The following RARB variants were observed in gnomAD, a reference collection of about 807,000 sequenced individuals.
The protein encoded by RARB is retinoic acid receptor beta, also known as HBV-activated protein.
In RARB, 17 loss-of-function variants were observed where a neutral mutation model predicts 51.9. The ratio of observed to expected loss-of-function variants is 0.33; its 90% CI spans 0.22 to 0.49. The LOEUF (loss-of-function observed/expected upper bound fraction) is 0.49, where lower values mean the gene tolerates loss of function less well. Ranked by LOEUF, RARB falls within the 20% of genes least tolerant of loss-of-function variation. RARB has a pLI of 0.99. For synonymous variants in RARB, 215 were observed against 195.4 expected (o/e 1.10, Z -0.84); for missense variants, 369 against 550.8 (o/e 0.67, Z 3.30).
chr3:25,114,182 G>A (rs1028048152), intron 3 of RARB, among the ~76,000 whole-genome samples: 1 of 152,086 alleles, frequency 6.6e-6, no homozygotes, highest in African/African-American at 2.4e-5. Flanking sequence ...AGCCTTTTCT[G>A]TTCCACCCAC....
chr3:24,902,862 C>T (rs1703637370), intron 2 of RARB, among the ~76,000 whole-genome samples: 2 of 152,100 alleles, frequency 1.3e-5, no homozygotes, highest in Admixed American at 1.3e-4. Flanking sequence ...ATTACTAAAA[C>T]TTCAGTTTAA....
At chr3:25,169,927 G>T (rs1368758923) in intron 4 of RARB, among the ~76,000 whole-genome samples, 2 of 151,084 alleles carry the variant, frequency 1.3e-5, no homozygotes, top group Admixed American at 6.6e-5. Context: ...GTTTGAGGCT[G>T]CAGGGAACTG....
rs1553615778 is a variant in RARB, at chr3:24,938,990, G to GTTGT, written c.-380+80240_-380+80241insGTTT. 5.4e-3 allele frequency among the ~76,000 whole-genome samples: 779 copies of GTTGT among 143,454 alleles called. 2 individuals are homozygous for GTTGT. Among genetic ancestry groups the GTTGT allele is most frequent in the Non-Finnish European group, 8.5e-3 (559 of 65,684 alleles). 94.1% of individuals were successfully genotyped at this position (143,454 alleles called of 152,430 possible). A position where few individuals can be genotyped will look rare whatever the true frequency, so the allele number is the denominator to read the frequency against. On this transcript the variant is annotated intron_variant, in intron 2 of 11. Transcript: ENST00000383772. ...AATGAACATTTAGTTTTTTGTTGTT[G>GTTGT]TTTTTTTTTTTAGACAGAGTCTCAC...
intron 3 of RARB, among the ~76,000 whole-genome samples, chr3:25,097,129 T>A (rs1332452711): frequency 6.6e-6 from 1 of 152,134 alleles, no homozygotes; most frequent in Non-Finnish European, 1.5e-5. Flanking sequence ...TCAGAGACAG[T>A]AACAATTCTA....
intron 5 of RARB, among the ~76,000 whole-genome samples, chr3:25,419,195 G>A (rs746433878): frequency 2.0e-5 from 3 of 152,106 alleles, no homozygotes; most frequent in Non-Finnish European, 2.9e-5. Flanking sequence ...CCGAGACAAC[G>A]ATGTTCCTTT....
chr3:25,261,230 C>T (rs1418552213), intron 5 of RARB, among the ~76,000 whole-genome samples: 2 of 152,026 alleles, frequency 1.3e-5, no homozygotes, highest in African/African-American at 2.4e-5. Context: ...TCATGATCAC[C>T]ACCATAATTG....
intron 3 of RARB, among the ~76,000 whole-genome samples, chr3:25,513,202 G>C (rs1014694233): frequency 6.6e-6 from 1 of 151,522 alleles, no homozygotes; most frequent in East Asian, 2.0e-4. Flanking sequence ...CAGGAGAATC[G>C]CTTGGACCTG....
chr3:25,343,571 T>C (rs1208036292), intron 5 of RARB, among the ~76,000 whole-genome samples: 1 of 152,164 alleles, frequency 6.6e-6, no homozygotes, highest in Non-Finnish European at 1.5e-5. Flanking sequence ...AAGGAAATTT[T>C]CCCAAATTTA....
intron 5 of RARB, among the ~76,000 whole-genome samples, chr3:25,315,473 G>C (rs1704398401): frequency 6.6e-6 from 1 of 152,168 alleles, no homozygotes; most frequent in Admixed American, 6.5e-5. Flanking sequence ...AGAAGCTTGA[G>C]ACTTCCTAAC....
At chr3:24,930,029 A>G (rs887803156) in intron 2 of RARB, among the ~76,000 whole-genome samples, 5 of 152,208 alleles carry the variant, frequency 3.3e-5, no homozygotes, top group South Asian at 4.1e-4. Context: ...TTAAAGGGCT[A>G]TTGACAATAT....
chr3:25,077,574 A>G (rs1334175169), intron 3 of RARB, among the ~76,000 whole-genome samples: 1 of 151,914 alleles, frequency 6.6e-6, no homozygotes, highest in African/African-American at 2.4e-5. Context: ...CTATTTATCT[A>G]TTTTTCTTTG....
intron 2 of RARB, among the ~76,000 whole-genome samples, chr3:24,955,391 A>T (rs1695991362): frequency 6.6e-6 from 1 of 152,160 alleles, no homozygotes; most frequent in Non-Finnish European, 1.5e-5. Context: ...AGGCCAAAAA[A>T]GGCAACATTT....
chr3:25,242,220 G>C (rs941801560), intron 5 of RARB, among the ~76,000 whole-genome samples: 1 of 152,020 alleles, frequency 6.6e-6, no homozygotes, highest in Admixed American at 6.6e-5. Flanking sequence ...TTGTCAGATG[G>C]ATAGATAGCA....
chr3:25,093,651 A>T (rs1248862906), intron 3 of RARB, among the ~76,000 whole-genome samples: 1 of 152,142 alleles, frequency 6.6e-6, no homozygotes, highest in Non-Finnish European at 1.5e-5. Flanking sequence ...ACTCCTGCAG[A>T]TAATATCCTT....
chr3:25,242,535 T>C lies in RARB; in HGVS notation c.178+67960T>C, dbSNP rs182837402. 2.2e-4 allele frequency among the ~76,000 whole-genome samples: 33 copies of C among 152,330 alleles called. No individual in the cohort carries two copies. The East Asian group carries it at 6.2e-3, about 28-fold the overall frequency. On this transcript the variant is annotated intron_variant, in intron 5 of 11. Transcript: ENST00000383772. ...AGTTTTCTGCATATGACTAGCCAGTTTTCCCCATACCATTTATTAAATAGG... is the reference window on the plus strand; with the variant it reads ...AGTTTTCTGCATATGACTAGCCAGTCTTCCCCATACCATTTATTAAATAGG...
At chr3:24,958,264 T>TTTTG (rs1559411522) in intron 2 of RARB, among the ~76,000 whole-genome samples, 6 of 117,554 alleles carry the variant, frequency 5.1e-5, no homozygotes, top group African/African-American at 8.2e-5. Flanking sequence ...GGTTTTTTTT[T>TTTTG]TTTTTTTTTT....
At chr3:25,311,759 A>G (rs889380730) in intron 5 of RARB, among the ~76,000 whole-genome samples, 1 of 152,198 alleles carries the variant, frequency 6.6e-6, no homozygotes, top group Non-Finnish European at 1.5e-5. Flanking sequence ...TTGCCTTTCA[A>G]TAAGAATGGC....
rs141592843 is a variant in RARB, at chr3:25,243,869, A to G, written c.178+69294A>G. 9.3e-3 allele frequency among the ~76,000 whole-genome samples: 1,414 copies of G among 152,282 alleles called. 17 individuals carry two copies. The highest frequency in any genetic ancestry group is 0.032 in the African/African-American group (1,340 of 41,542). ...TCTTTCTTTTTCTATTGTTTGAAAT[A>G]GTTTTAAAAGGAATGGTACCAGCTC... On this transcript the variant is annotated intron_variant, in intron 5 of 11. Transcript: ENST00000383772.
At chr3:25,484,239 G>C (rs6767056) in intron 2 of RARB, among the ~76,000 whole-genome samples, 74,495 of 152,002 alleles carry the variant, frequency 0.49, 19,324 homozygotes, top group South Asian at 0.64. Flanking sequence ...GGAAAGAGGT[G>C]TCTTTTTCCT....
Sources: gnomAD v4.1 joint callset for allele counts (sites outside exome capture counted in the v4.1 genomes callset) on GRCh38, gnomAD v4.1.1 for gene constraint, MANE v1.5 for transcripts, NCBI Gene and HGNC (gene_info 2026-07-23, HGNC 2026-07-21) for gene names.